CYP11B2: variants seen among roughly 807,000 people sequenced by gnomAD.
The protein encoded by CYP11B2 is cytochrome P450 11B2, mitochondrial.
Under a neutral mutation model 49.3 loss-of-function variants are expected in CYP11B2, and 38 were observed. The ratio of observed to expected loss-of-function variants is 0.77; its 90% CI spans 0.59 to 1.01. The LOEUF is 1.01. Ranked by LOEUF, CYP11B2 falls within the 50% of genes least tolerant of loss-of-function variation. The pLI is 0.00. For synonymous variants in CYP11B2, 290 were observed against 269.3 expected (o/e 1.08, Z -0.75); for missense variants, 669 against 655.5 (o/e 1.02, Z -0.23).
chr8:142,917,538 C>G, intron 1 of CYP11B2, 64 bp downstream of exon 1: 1 of 1,613,620 alleles, frequency 6.2e-7, no homozygotes, highest in Admixed American at 1.7e-5. Context: ...GAGTGCCTGG[C>G]AGGGTCCTGG....
Position 142,911,471 on chromosome 8 carries a change from C to G in CYP11B2, c.*509G>C, listed in dbSNP as rs1277225987. The G allele has an allele frequency of 5.4e-6, 1 of 184,422 alleles. No homozygotes were observed. The highest frequency in any genetic ancestry group is 5.3e-5 in the Admixed American group (1 of 18,710). The allele number at this position is 184,422 out of a possible 1,614,324, so 11.4% of individuals were successfully genotyped here. A position where few individuals can be genotyped will look rare whatever the true frequency, so the allele number is the denominator to read the frequency against. On this transcript the variant is annotated 3_prime_UTR_variant, in exon 9 of 9. Transcript: ENST00000323110. ...TTCCAGGGTGACAACTTTCAGAGAG[C>G]TCAGGGCATGCTCGAGCTGCCTGGG... is the stretch of plus-strand genomic sequence containing the variant.
intron 2 of CYP11B2, 110 bp from the exon 3 acceptor site, chr8:142,915,355 G>A (rs1426704619): frequency 1.5e-5 from 15 of 996,554 alleles, no homozygotes; most frequent in African/African-American, 1.6e-5. Context: ...GGAGCTGACT[G>A]GGGGCCCTGG....
Position 142,911,746 on chromosome 8 carries a change from G to A in CYP11B2, c.*234C>T, listed in dbSNP as rs1191104984. On this transcript the variant is annotated 3_prime_UTR_variant, in exon 9 of 9. Coordinates refer to ENST00000323110, the MANE Select transcript of CYP11B2 (RefSeq NM_000498.3). ...CTGGAGAAGGGGCCAGGTGGAGCTGGGGACAAGGCCAGGCCCTGCCAGCAA... is the reference window on the plus strand; with the variant it reads ...CTGGAGAAGGGGCCAGGTGGAGCTGAGGACAAGGCCAGGCCCTGCCAGCAA... 5.1e-6 allele frequency: 3 copies of A among 588,528 alleles called. No homozygotes were observed. The highest frequency in any genetic ancestry group is 8.8e-6 in the Non-Finnish European group (3 of 340,058). The allele number at this position is 588,528 out of a possible 1,614,324, so 36.5% of individuals were successfully genotyped here.
In CYP11B2 at chr8:142,912,891, G is replaced by C; in HGVS notation, c.1122-6C>G. On this transcript the variant is annotated splice_region_variant and splice_polypyrimidine_tract_variant and intron_variant, in intron 6 of 8. Coordinates refer to ENST00000323110, the MANE Select transcript of CYP11B2 (RefSeq NM_000498.3). ...ACAGACCCACAGGGTAGAGCCTGGA[G>C]GTGGGGGCATCCATAGAAAGGGTCC... 16 of 1,612,190 alleles carry C rather than the reference G, an allele frequency of 9.9e-6. No homozygotes were observed. The highest frequency in any genetic ancestry group is 1.4e-5 in the Non-Finnish European group (16 of 1,179,072).
At chr8:142,917,433 CT>C (rs1817667119) in intron 1 of CYP11B2, among the ~76,000 whole-genome samples, 168 bp downstream of exon 1, 1 of 152,252 alleles carries the variant, frequency 6.6e-6, no homozygotes, top group Non-Finnish European at 1.5e-5. Context: ...GCACTATCCC[CT>C]GCCCTGGCAG....
At chr8:142,916,456 C>T (rs746598159) in intron 2 of CYP11B2, 1 of 456,276 alleles carries the variant, frequency 2.2e-6, no homozygotes, top group Non-Finnish European at 4.4e-6. Flanking sequence ...GCCCACCTGA[C>T]CAGGCGCCAC....
chr8:142,917,655 C>T lies in CYP11B2; in HGVS notation c.186G>A (p.Glu62=), dbSNP rs1817671548. The T allele has an allele frequency of 6.2e-7, 1 of 1,614,266 alleles. No homozygotes were observed. Among genetic ancestry groups the T allele is most frequent in the African/African-American group, 1.3e-5 (1 of 75,074 alleles). ...LLQIWREQGY[E]HLHLEMHQTF... is the part of the protein sequence containing the mutation. Reference sequence around the variant, plus strand: ...TCTGGTGCATCTCCAGGTGCAGGTGCTCATAACCCTGCTCCCTCCAGATCT... The same window carrying T: ...TCTGGTGCATCTCCAGGTGCAGGTGTTCATAACCCTGCTCCCTCCAGATCT... The change falls in exon 1 of 9, where the codon GAG becomes GAA. Residue 62 remains glutamate (E), a synonymous_variant. Coordinates refer to ENST00000323110, the MANE Select transcript of CYP11B2 (RefSeq NM_000498.3).
rs753998613 is a variant in CYP11B2 at position 142,912,748 on chromosome 8, G to A, written c.1201-21C>T. ...AATGTCTGCGGACGGTGCAGAGCAG[G>A]GATCAGGGAATGACTGGGGAGGGAG... On this transcript the variant is annotated intron_variant, in intron 7 of 8. Coordinates refer to ENST00000323110, the MANE Select transcript of CYP11B2 (RefSeq NM_000498.3). 1.1e-5 allele frequency: 17 copies of A among 1,613,708 alleles called. No homozygotes were observed. In the South Asian group the frequency reaches 1.8e-4, roughly 17 times the overall value.
Position 142,915,101 on chromosome 8 carries a change from G to C in CYP11B2, c.540C>G (p.Ala180=), listed in dbSNP as rs1311500494. ...QALKKKVLQN[A]RGSLTLDVQP... ...GGACGTCCAGGGTCAGGCTCCCCCG[G>C]GCGTTCTGCAGCACCTTCTTCTTCA... Residue 180 remains alanine, a synonymous_variant, in exon 3 of 9, where the codon GCC becomes GCG. Coordinates refer to ENST00000323110, the MANE Select transcript of CYP11B2 (RefSeq NM_000498.3). 6 of 1,613,818 alleles carry C rather than the reference G, an allele frequency of 3.7e-6. No individual in the cohort carries two copies. The East Asian group carries it at 1.3e-4, about 36-fold the overall frequency.
At chr8:142,913,029 A>T in intron 6 of CYP11B2, 144 bp from the exon 7 acceptor site, 1 of 917,922 alleles carries the variant, frequency 1.1e-6, no homozygotes. Context: ...GCACCTGCTG[A>T]GCCCAGCCAA....
In CYP11B2 at chr8:142,914,373, C is replaced by T. The variant is rs769533897; in HGVS notation, c.845G>A (p.Arg282His). 1.9e-5 allele frequency: 30 copies of T among 1,613,014 alleles called. No homozygotes were observed. The highest frequency in any genetic ancestry group is 1.6e-4 in the East Asian group (7 of 44,860). ...QKIYQELAFN[R>H]PQHYTGIVAE... is the part of the protein sequence containing the mutation. ...CACGATGCCTGTGTAGTGTTGAGGG[C>T]GGTTGAAGGCCAGTTCCTGGTAGAT... Residue 282 changes from arginine to histidine, a missense_variant, in exon 5 of 9, where the codon CGC becomes CAC. Transcript: ENST00000323110.
In CYP11B2 at chr8:142,915,267, T is replaced by C. The variant is rs61757308; in HGVS notation, c.396-22A>G. 0.024 allele frequency: 37,630 copies of C among 1,587,132 alleles called. 4,827 individuals carry two copies. In the African/African-American group the frequency reaches 0.34, roughly 15 times the overall value. Reference sequence around the variant, plus strand: ...ATTCCTACAGAGGCCAGGGCAGAGCTTGTGAGGCCGCCCCAGCAAGACACA... The same window carrying C: ...ATTCCTACAGAGGCCAGGGCAGAGCCTGTGAGGCCGCCCCAGCAAGACACA... On this transcript the variant is annotated intron_variant, in intron 2 of 8. Coordinates refer to ENST00000323110, the MANE Select transcript of CYP11B2 (RefSeq NM_000498.3).
chr8:142,917,037 C>G (rs1363006438), intron 2 of CYP11B2, 22 bp downstream of exon 2: 18 of 1,613,678 alleles, frequency 1.1e-5, no homozygotes, highest in Non-Finnish European at 1.5e-5. Context: ...TCCCAGCTCT[C>G]AGCTCCCAAC....
At chr8:142,916,428 A>G (rs546727393) in intron 2 of CYP11B2, 10 of 456,572 alleles carry the variant, frequency 2.2e-5, no homozygotes, top group South Asian at 1.2e-4. Context: ...GACCGACTCC[A>G]AGCATCAGCC....
Position 142,914,386 on chromosome 8 carries a change from G to A in CYP11B2, c.832C>T (p.Leu278=). 1 of 1,613,538 alleles carries A rather than the reference G, an allele frequency of 6.2e-7. No homozygotes were observed. The highest frequency in any genetic ancestry group is 2.2e-5 in the East Asian group (1 of 44,856). The change falls in exon 5 of 9, where the codon CTG becomes TTG. Residue 278 remains leucine, a synonymous_variant. Coordinates refer to ENST00000323110, the MANE Select transcript of CYP11B2 (RefSeq NM_000498.3). ...TAGTGTTGAGGGCGGTTGAAGGCCA[G>A]TTCCTGGTAGATTTTCTGGATACAG... is the stretch of plus-strand genomic sequence containing the variant. The part of the protein sequence containing the change: ...DNCIQKIYQE[L]AFNRPQHYTG...
chr8:142,912,357 C>T (rs1817550768), intron 8 of CYP11B2, among the ~76,000 whole-genome samples, 173 bp downstream of exon 8: 2 of 152,096 alleles, frequency 1.3e-5, no homozygotes, highest in Non-Finnish European at 2.9e-5. Flanking sequence ...CAGCCTCACC[C>T]AGATCCTACC....
rs1817601054 is a variant in CYP11B2, at chr8:142,914,429, A to C, written c.800-11T>G. The C allele has an allele frequency of 6.2e-7, 1 of 1,606,104 alleles. No individual in the cohort carries two copies. Among genetic ancestry groups the C allele is most frequent in the Non-Finnish European group, 8.5e-7 (1 of 1,175,120 alleles). On this transcript the variant is annotated splice_polypyrimidine_tract_variant and intron_variant, in intron 4 of 8. Transcript: ENST00000323110. ...GGATACAGTTGTCACCTGTCCAGGG[A>C]GCAGGGGACAGCCCTCAGATCTTGG...
chr8:142,915,947 C>T lies in CYP11B2; in HGVS notation c.396-702G>A, dbSNP rs1260716382. 2.0e-5 allele frequency among the ~76,000 whole-genome samples: 3 copies of T among 152,214 alleles called. No individual in the cohort carries two copies. The East Asian group carries it at 5.8e-4, about 29-fold the overall frequency. On this transcript the variant is annotated intron_variant, in intron 2 of 8. Coordinates refer to ENST00000323110, the MANE Select transcript of CYP11B2 (RefSeq NM_000498.3). ...ATGACAGGCAGAAGATGCACATGCA[C>T]ACGTGCGCCCATGCAAGACCTCAAC... is the stretch of plus-strand genomic sequence containing the variant.
rs766593546 is a variant in CYP11B2, at chr8:142,917,229, AGG to A, written c.240-17_240-16del. On this transcript the variant is annotated splice_polypyrimidine_tract_variant and intron_variant, in intron 1 of 8. Transcript: ENST00000323110. ...CCAAGTTGTACCTGTGGGGCCAAGCAGGAGGCCCTGCTGGACGGGGTCATGTC... is the reference window on the plus strand; with the variant it reads ...CCAAGTTGTACCTGTGGGGCCAAGCAAGGCCCTGCTGGACGGGGTCATGTC... 1.9e-6 allele frequency: 3 copies of A among 1,613,532 alleles called. No individual in the cohort carries two copies. Among genetic ancestry groups the A allele is most frequent in the Non-Finnish European group, 2.5e-6 (3 of 1,179,730 alleles).
Sources: allele counts gnomAD v4.1 joint callset (sites outside exome capture counted in the v4.1 genomes callset), GRCh38; gene constraint gnomAD v4.1.1; transcripts MANE v1.5; gene names NCBI Gene and HGNC (gene_info 2026-07-23, HGNC 2026-07-21).